The following RGS6 variants were observed in gnomAD, a reference collection of about 807,000 sequenced individuals.
RGS6 encodes regulator of G-protein signaling 6.
In RGS6, 30 loss-of-function variants were observed where a neutral mutation model predicts 78.5. The observed-to-expected ratio is 0.38, with a 90% CI of 0.29 to 0.52. The LOEUF (loss-of-function observed/expected upper bound fraction) is 0.52, where lower values mean the gene tolerates loss of function less well. Ranked by LOEUF, RGS6 falls within the 20% of genes least tolerant of loss-of-function variation. The pLI, the probability that RGS6 is intolerant of heterozygous loss-of-function variation, is 0.85. For missense variants in RGS6, 495 were observed against 609.7 expected (o/e 0.81, Z 1.98); for synonymous variants, 206 against 206.0 (o/e 1.00, Z 0.00).
At chr14:72,240,612 A>C (rs1195503088) in intron 2 of RGS6, among the ~76,000 whole-genome samples, 1 of 152,156 alleles carries the variant, frequency 6.6e-6, no homozygotes. Context: ...ACCTCAGGGA[A>C]TTTTTCAAGT....
rs1444854294 is a variant in RGS6 at position 71,952,070 on chromosome 14, G to C, written c.-20-12702G>C. 3.3e-5 allele frequency among the ~76,000 whole-genome samples: 5 copies of C among 152,138 alleles called. No individual in the cohort carries two copies. In the East Asian group the frequency reaches 9.7e-4, roughly 29 times the overall value. The stretch of plus-strand genomic sequence containing the variant: ...GTACACAGTTAAATTACTTGTAAAA[G>C]AGTTATTACTTTTACCTTTCTAATT... On this transcript the variant is annotated intron_variant, in intron 1 of 17. Coordinates refer to ENST00000553525, the MANE Select transcript of RGS6 (RefSeq NM_001204424.2).
the RGS6 span, among the ~76,000 whole-genome samples, chr14:72,577,615 C>G: frequency 6.6e-6 from 1 of 152,182 alleles, no homozygotes; most frequent in Non-Finnish European, 1.5e-5. Context: ...TGTCCATGTA[C>G]GTAATGAAAA....
intron 12 of RGS6, among the ~76,000 whole-genome samples, chr14:72,484,305 T>TTTTG (rs755753905): frequency 2.8e-4 from 43 of 152,162 alleles, no homozygotes; most frequent in Admixed American, 4.6e-4. Context: ...TTTTGTTGGA[T>TTTTG]TTTGTTTGTT....
In RGS6 at chr14:72,110,210, C is replaced by G. The variant is rs147048078; in HGVS notation, c.84+145335C>G. 6.5e-4 allele frequency among the ~76,000 whole-genome samples: 98 copies of G among 151,936 alleles called. 2 individuals are homozygous for G. In the East Asian group the frequency reaches 0.015, roughly 23 times the overall value. ...CATATTCTTATTTAACCCTCACCAC[C>G]TGGCAAAGCATTGTCCTCATCTCTA... On this transcript the variant is annotated intron_variant, in intron 2 of 17. Transcript: ENST00000553525.
At chr14:72,218,869 C>T (rs2046222561) in intron 2 of RGS6, among the ~76,000 whole-genome samples, 1 of 152,016 alleles carries the variant, frequency 6.6e-6, no homozygotes, top group African/African-American at 2.4e-5. Context: ...CTTGGCCTTC[C>T]AAAGTGCTGG....
the RGS6 span, chr14:72,594,788 C>T: frequency 6.6e-6 from 1 of 152,120 alleles, no homozygotes; most frequent in African/African-American, 2.4e-5. Context: ...GCAAATGTAA[C>T]CAGAGTCATC....
rs113224504 is a variant in RGS6, at chr14:71,936,030, A to ATG, written c.-21+3090_-21+3091insGT. 4.1e-4 allele frequency among the ~76,000 whole-genome samples: 55 copies of ATG among 133,212 alleles called. 3 individuals carry two copies. Among genetic ancestry groups the ATG allele is most frequent in the Non-Finnish European group, 7.6e-4 (47 of 62,146 alleles). The allele number at this position is 133,212 out of a possible 152,430, so 87.4% of individuals were successfully genotyped here. ...GAACTAATAGGATATATATATATAT[A>ATG]TATATATATATGTACATATATATCA... is the stretch of plus-strand genomic sequence containing the variant. On this transcript the variant is annotated intron_variant, in intron 1 of 17. Coordinates refer to ENST00000553525, the MANE Select transcript of RGS6 (RefSeq NM_001204424.2).
the RGS6 span, among the ~76,000 whole-genome samples, chr14:71,879,852 C>A: frequency 1.3e-5 from 2 of 152,100 alleles, no homozygotes; most frequent in Non-Finnish European, 2.9e-5. Context: ...TAAAGATATC[C>A]AAAAATGTGG....
At chr14:72,595,950 A>T in the RGS6 span, among the ~76,000 whole-genome samples, 1 of 152,196 alleles carries the variant, frequency 6.6e-6, no homozygotes, top group Admixed American at 6.5e-5. Flanking sequence ...TGAGCTCTTT[A>T]AAACATTCAT....
At chr14:72,392,840 G>T (rs1351993344) in intron 3 of RGS6, among the ~76,000 whole-genome samples, 3 of 152,112 alleles carry the variant, frequency 2.0e-5, no homozygotes, top group Non-Finnish European at 4.4e-5. Flanking sequence ...ACTTTCTGGG[G>T]ATGCAGCCTC....
chr14:71,869,922 A>G, the RGS6 span, among the ~76,000 whole-genome samples: 1 of 152,190 alleles, frequency 6.6e-6, no homozygotes, highest in African/African-American at 2.4e-5. Flanking sequence ...CTGTGATGAC[A>G]TAGCAAGAAG....
At chr14:72,407,983 C>G (rs1032217286) in intron 3 of RGS6, among the ~76,000 whole-genome samples, 3 of 152,222 alleles carry the variant, frequency 2.0e-5, no homozygotes, top group Non-Finnish European at 2.9e-5. Flanking sequence ...TTACAGGCGG[C>G]CTTCCCCTCT....
At chr14:72,352,306 T>C in intron 3 of RGS6, 112 bp downstream of exon 3, 2 of 686,566 alleles carry the variant, frequency 2.9e-6, no homozygotes, top group South Asian at 2.1e-5. Flanking sequence ...AAATGAAACA[T>C]TCAGTGTGTT....
chr14:72,009,228 G>A (rs2085193835), intron 2 of RGS6, among the ~76,000 whole-genome samples: 1 of 152,160 alleles, frequency 6.6e-6, no homozygotes, highest in African/African-American at 2.4e-5. Context: ...GTGTGCACCT[G>A]TAGTCCTAGA....
chr14:72,522,419 A>G (rs1416291514), intron 15 of RGS6, among the ~76,000 whole-genome samples: 3 of 152,212 alleles, frequency 2.0e-5, no homozygotes, highest in African/African-American at 4.8e-5. Context: ...GATTTTGCAA[A>G]TAGCGTGATC....
chr14:72,398,818 C>T (rs569948174), intron 3 of RGS6, among the ~76,000 whole-genome samples: 59 of 152,172 alleles, frequency 3.9e-4, no homozygotes, highest in Non-Finnish European at 7.6e-4. Context: ...TACCCAGTAG[C>T]CATTCAGCAG....
chr14:72,454,460 A>G, intron 3 of RGS6, 68 bp from the exon 4 acceptor site: 1 of 1,469,946 alleles, frequency 6.8e-7, no homozygotes, highest in Non-Finnish European at 9.5e-7. Context: ...TCTTAGGTAA[A>G]CATGTTTCTT....
intron 3 of RGS6, among the ~76,000 whole-genome samples, chr14:72,356,094 C>T (rs960183003): frequency 1.3e-5 from 2 of 152,114 alleles, no homozygotes; most frequent in East Asian, 1.9e-4. Context: ...GGTTAGGTGC[C>T]AGATAGGAGG....
intron 2 of RGS6, among the ~76,000 whole-genome samples, chr14:72,249,014 ATCT>A (rs1265534447): frequency 1.3e-5 from 2 of 152,228 alleles, no homozygotes; most frequent in Non-Finnish European, 2.9e-5. Flanking sequence ...GAAAAAAATA[ATCT>A]TCTCCTTCAC....
Sources: allele counts gnomAD v4.1 joint callset (sites outside exome capture counted in the v4.1 genomes callset), GRCh38; gene constraint gnomAD v4.1.1; transcripts MANE v1.5; gene names NCBI Gene and HGNC (gene_info 2026-07-23, HGNC 2026-07-21).